Variants in FANCL observed in about 807,000 individuals in gnomAD.
FANCL encodes E3 ubiquitin-protein ligase FANCL.
Under a neutral mutation model 59.4 loss-of-function variants are expected in FANCL, and 69 were observed. The ratio of observed to expected loss-of-function variants is 1.16; its 90% CI spans 0.96 to 1.42. The LOEUF (loss-of-function observed/expected upper bound fraction) is 1.42, where lower values mean the gene tolerates loss of function less well. Among genes scored for constraint, FANCL ranks in the 40% most tolerant of loss-of-function variants. The pLI is 0.00. For missense variants in FANCL, 519 were observed against 447.2 expected (o/e 1.16, Z -1.45); for synonymous variants, 180 against 147.1 (o/e 1.22, Z -1.62).
At chr2:58,229,659 C>T (rs1441022153) in intron 3 of FANCL, among the ~76,000 whole-genome samples, 155 bp downstream of exon 3, 1 of 152,148 alleles carries the variant, frequency 6.6e-6, no homozygotes, top group Non-Finnish European at 1.5e-5. Context: ...CCTGAGGACA[C>T]TGAGATTTAA....
chr2:58,241,171 C>A, intron 1 of FANCL, 47 bp downstream of exon 1: 1 of 1,589,208 alleles, frequency 6.3e-7, no homozygotes, highest in Middle Eastern at 1.7e-4. Context: ...CGCGCAGCTA[C>A]GCTGCAAGAG....
At chr2:58,228,296 AT>A (rs1431336474) in intron 3 of FANCL, among the ~76,000 whole-genome samples, 2 of 152,222 alleles carry the variant, frequency 1.3e-5, no homozygotes, top group East Asian at 1.9e-4. Flanking sequence ...ACAGAAAAAA[AT>A]ATTCTCAAGT....
chr2:58,166,061 TTTA>T (rs1203765545), intron 7 of FANCL, among the ~76,000 whole-genome samples, 187 bp from the exon 8 acceptor site: 2 of 152,216 alleles, frequency 1.3e-5, no homozygotes, highest in Non-Finnish European at 2.9e-5. Context: ...AGGATTCTTT[TTTA>T]TTGACAGTAG....
intron 7 of FANCL, among the ~76,000 whole-genome samples, chr2:58,187,128 C>T (rs766818402): frequency 2.6e-5 from 4 of 152,142 alleles, no homozygotes; most frequent in Admixed American, 6.5e-5. Context: ...ATGTTTATTG[C>T]GGCATGATTC....
intron 5 of FANCL, among the ~76,000 whole-genome samples, chr2:58,220,442 G>C (rs1034120879): frequency 2.0e-5 from 3 of 152,142 alleles, no homozygotes; most frequent in African/African-American, 7.2e-5. Context: ...CTAAATAAAA[G>C]CCTTTTAAGG....
chr2:58,179,920 C>A (rs115084101), intron 7 of FANCL, among the ~76,000 whole-genome samples: 11,811 of 152,148 alleles, frequency 0.078, 608 homozygotes, highest in East Asian at 0.2. Flanking sequence ...AGGATATGAA[C>A]AGACATTTCT....
rs774411712 is a variant in FANCL, at chr2:58,165,748, C to A, written c.667G>T (p.Ala223Ser). The part of the protein sequence containing the change: ...VLEPEKPPRS[A>S]TARRIALGNN... ...CCTAATGCAATTCTGCGTGCTGTTG[C>A]ACTCCGTGGAGGTTTTTCTGGCTCA... Residue 223 changes from alanine to serine, a missense_variant, in exon 8 of 14, where the codon GCA (alanine) becomes TCA (serine). By Grantham distance (99) the Ala-to-Ser change is moderately conservative. Transcript: ENST00000233741. 2 of 1,614,086 alleles carry A rather than the reference C, an allele frequency of 1.2e-6. No individual in the cohort carries two copies. The highest frequency in any genetic ancestry group is 1.7e-6 in the Non-Finnish European group (2 of 1,179,968).
At chr2:58,179,153 C>T (rs779047274) in intron 7 of FANCL, among the ~76,000 whole-genome samples, 1 of 152,184 alleles carries the variant, frequency 6.6e-6, no homozygotes, top group Admixed American at 6.5e-5. Flanking sequence ...AATGGCCATA[C>T]TGCCCTAAGT....
chr2:58,178,837 C>A (rs1687636065), intron 7 of FANCL, among the ~76,000 whole-genome samples: 1 of 152,118 alleles, frequency 6.6e-6, no homozygotes, highest in African/African-American at 2.4e-5. Flanking sequence ...AAAACCCTAT[C>A]ATCTCAGCCC....
chr2:58,234,132 T>C (rs1448617978), intron 1 of FANCL, among the ~76,000 whole-genome samples: 1 of 151,952 alleles, frequency 6.6e-6, no homozygotes, highest in Non-Finnish European at 1.5e-5. Flanking sequence ...AAAGCTACTA[T>C]GAGACAAAGA....
intron 7 of FANCL, among the ~76,000 whole-genome samples, chr2:58,186,622 C>T (rs1450085158): frequency 6.6e-6 from 1 of 152,156 alleles, no homozygotes; most frequent in Non-Finnish European, 1.5e-5. Context: ...TTTCCGGCTT[C>T]CATGCCACTG....
At chr2:58,165,562 A>G (rs981973464) in intron 8 of FANCL, among the ~76,000 whole-genome samples, 162 bp downstream of exon 8, 11 of 152,178 alleles carry the variant, frequency 7.2e-5, no homozygotes. Context: ...TTCACCTAAA[A>G]TATTTACATT....
chr2:58,179,389 A>T (rs1055240941), intron 7 of FANCL, among the ~76,000 whole-genome samples: 1 of 152,210 alleles, frequency 6.6e-6, no homozygotes, highest in African/African-American at 2.4e-5. Context: ...AAACAGAGAT[A>T]TAGACCAATG....
chr2:58,163,196 T>TA, intron 9 of FANCL, 122 bp from the exon 10 acceptor site: 1 of 903,840 alleles, frequency 1.1e-6, no homozygotes. Flanking sequence ...TGTATTATGT[T>TA]AAAAAACAAA....
intron 4 of FANCL, among the ~76,000 whole-genome samples, chr2:58,223,316 G>A (rs1488729577): frequency 2.0e-5 from 3 of 151,858 alleles, no homozygotes; most frequent in Non-Finnish European, 4.4e-5. Flanking sequence ...TATTTAGGTT[G>A]TGCACCAACC....
intron 7 of FANCL, among the ~76,000 whole-genome samples, chr2:58,195,796 A>G (rs1161487286): frequency 6.6e-6 from 1 of 152,172 alleles, no homozygotes; most frequent in African/African-American, 2.4e-5. Flanking sequence ...TGCAAAGAAT[A>G]TGCATTGCTG....
chr2:58,171,879 C>T (rs552091635), intron 7 of FANCL, among the ~76,000 whole-genome samples: 1 of 152,266 alleles, frequency 6.6e-6, no homozygotes, highest in Admixed American at 6.5e-5. Flanking sequence ...AGACAGCACC[C>T]GGAAAATCGG....
chr2:58,177,104 T>C (rs1194457107), intron 7 of FANCL, among the ~76,000 whole-genome samples: 1 of 152,154 alleles, frequency 6.6e-6, no homozygotes, highest in African/African-American at 2.4e-5. Context: ...CCACTTAGAA[T>C]GGCAATCATT....
intron 5 of FANCL, among the ~76,000 whole-genome samples, chr2:58,217,207 TATATATATACACACACAC>T (rs1179083102): frequency 0.1 from 1,071 of 10,294 alleles, 24 homozygotes; most frequent in Middle Eastern, 0.22. Flanking sequence ...TATATATATA[TATATATATACACACACAC>T]ACACACACAC....
Sources: gnomAD v4.1 joint callset for allele counts (sites outside exome capture counted in the v4.1 genomes callset) on GRCh38, gnomAD v4.1.1 for gene constraint, MANE v1.5 for transcripts, NCBI Gene and HGNC (gene_info 2026-07-23, HGNC 2026-07-21) for gene names.